ZNF718: variants seen among roughly 807,000 people sequenced by gnomAD.
ZNF718 encodes zinc finger protein 718.
A neutral mutation model predicts 2.6 loss-of-function variants in ZNF718; 3 were observed. The observed-to-expected ratio is 1.16, with a 90% CI of 0.53 to 3.01. The LOEUF (loss-of-function observed/expected upper bound fraction) is 3.01, where lower values mean the gene tolerates loss of function less well. Ranked by LOEUF, ZNF718 falls within the 30% of genes most tolerant of loss-of-function variation. ZNF718 has a pLI of 0.03. For missense variants in ZNF718, 468 were observed against 230.0 expected, an observed-to-expected ratio of 2.03 and a Z score of -6.69; for synonymous variants, 135 against 77.9, an observed-to-expected ratio of 1.73 and a Z score of -3.86.
chr4:125,785 T>TC (rs1379411249), intron 1 of ZNF718, among the ~76,000 whole-genome samples: 1 of 152,198 alleles, frequency 6.6e-6, no homozygotes, highest in African/African-American at 2.4e-5. Flanking sequence ...CACTGGGCAT[T>TC]CGCACGGCCA....
chr4:154,159 G>T (rs530628769), intron 3 of ZNF718, among the ~76,000 whole-genome samples: 1 of 152,198 alleles, frequency 6.6e-6, no homozygotes, highest in Admixed American at 6.5e-5. Flanking sequence ...ATGACTTTTG[G>T]CTTCTGCCAT....
downstream of ZNF718, among the ~76,000 whole-genome samples, chr4:165,229 C>T (rs56076821): frequency 0.013 from 1,993 of 152,150 alleles, 49 homozygotes; most frequent in African/African-American, 0.045. Context: ...TGGTAAATTA[C>T]TGTTTTTAAG....
intron 3 of ZNF718, among the ~76,000 whole-genome samples, chr4:146,437 TC>T (rs1319245752): frequency 1.3e-5 from 2 of 152,120 alleles, no homozygotes; most frequent in Non-Finnish European, 2.9e-5. Flanking sequence ...GAGAAGAATC[TC>T]TTTTTCTTGC....
intron 3 of ZNF718, among the ~76,000 whole-genome samples, chr4:135,466 A>G (rs995351288): frequency 1.3e-5 from 2 of 151,864 alleles, no homozygotes; most frequent in Non-Finnish European, 2.9e-5. Flanking sequence ...TCACAGGTAC[A>G]TGAGAGACAA....
Position 162,097 on chromosome 4 carries a change from G to A in ZNF718, c.1412G>A (p.Arg471Lys), listed in dbSNP as rs782147773. 2 of 752,522 alleles carry A rather than the reference G, an allele frequency of 2.7e-6. No individual in the cohort carries two copies. The highest frequency in any genetic ancestry group is 4.9e-6 in the Non-Finnish European group (2 of 406,546). 46.6% of individuals were successfully genotyped at this position (752,522 alleles called of 1,614,324 possible). ...TACTCCAACCTTCCTCAACATAAGA[G>A]AACTCATACTGGAGGAAAATTTTAG... is the stretch of plus-strand genomic sequence containing the variant. ...KQYSNLPQHK[R>K]THTGGKF Residue 471 changes from arginine to lysine, a missense_variant, in exon 4 of 4, where the codon AGA becomes AAA. By Grantham distance (26) the Arg-to-Lys change is conservative. Transcript: ENST00000510175.
At chr4:136,174 C>A (rs1314721749) in intron 3 of ZNF718, among the ~76,000 whole-genome samples, 3 of 152,076 alleles carry the variant, frequency 2.0e-5, no homozygotes, top group African/African-American at 7.2e-5. Context: ...TGAAGTTTGT[C>A]TGCGTATGAT....
At chr4:139,256 G>A (rs1715706895) in intron 3 of ZNF718, among the ~76,000 whole-genome samples, 1 of 152,144 alleles carries the variant, frequency 6.6e-6, no homozygotes, top group Admixed American at 6.5e-5. Context: ...ATAGTTTGAT[G>A]TCTTAGATTT....
chr4:126,717 TTAG>T (rs1451625432), intron 1 of ZNF718, among the ~76,000 whole-genome samples: 1 of 152,244 alleles, frequency 6.6e-6, no homozygotes, highest in Non-Finnish European at 1.5e-5. Flanking sequence ...TTGCAGTCTC[TTAG>T]TAGATTGCCT....
chr4:136,197 A>AT (rs1715564669), intron 3 of ZNF718, among the ~76,000 whole-genome samples: 2 of 152,150 alleles, frequency 1.3e-5, no homozygotes, highest in Non-Finnish European at 2.9e-5. Context: ...GCCAAGTACC[A>AT]GGTGTATGAA....
At chr4:196,626 G>C (rs1299611195) in intron 3 of ZNF718, among the ~76,000 whole-genome samples, 1 of 151,834 alleles carries the variant, frequency 6.6e-6, no homozygotes, top group Non-Finnish European at 1.5e-5. Context: ...ACTTCTGGCT[G>C]CACCGTGATC....
intron 3 of ZNF718, among the ~76,000 whole-genome samples, chr4:151,502 C>CA (rs1716321561): frequency 6.7e-6 from 1 of 150,216 alleles, no homozygotes; most frequent in African/African-American, 2.5e-5. Context: ...TTTTTTGAGA[C>CA]AGAGTTTTGC....
chr4:166,009 C>T (rs1411466177), downstream of ZNF718, among the ~76,000 whole-genome samples: 5 of 152,138 alleles, frequency 3.3e-5, no homozygotes, highest in Non-Finnish European at 7.4e-5. Flanking sequence ...CCTCCCCCAA[C>T]CCCACAGCAG....
downstream of ZNF718, among the ~76,000 whole-genome samples, chr4:168,478 T>C (rs182708744): frequency 8.5e-3 from 1,297 of 152,294 alleles, 18 homozygotes; most frequent in Middle Eastern, 0.061. Flanking sequence ...ATCCATCTGG[T>C]GCTGGACTTT....
intron 3 of ZNF718, among the ~76,000 whole-genome samples, chr4:196,761 G>A (rs1036003584): frequency 6.6e-6 from 1 of 151,988 alleles, no homozygotes; most frequent in African/African-American, 2.4e-5. Flanking sequence ...AACCCAGAAG[G>A]GTTGGGGGTT....
Position 129,332 on chromosome 4 carries a change from ATACT to A in ZNF718, c.4-1452_4-1449del, listed in dbSNP as rs1289647510. On this transcript the variant is annotated intron_variant, in intron 1 of 3. Coordinates refer to ENST00000510175, the MANE Select transcript of ZNF718 (RefSeq NM_001039127.6). ...AGGCTTAGAAAAGACAAAACTGAAA[ATACT>A]TACGGGCATAGAGAGCAGATGCCTA... 2.9e-5 allele frequency among the ~76,000 whole-genome samples: 3 copies of A among 104,074 alleles called. 1 individual carries two copies. The highest frequency in any genetic ancestry group is 6.4e-5 in the Non-Finnish European group (3 of 46,722). The allele number at this position is 104,074 out of a possible 152,430, so 68.3% of individuals were successfully genotyped here. A position where few individuals can be genotyped will look rare whatever the true frequency, so the allele number is the denominator to read the frequency against.
At chr4:194,527 ACTGAGATAT>A (rs1422348088) in intron 3 of ZNF718, among the ~76,000 whole-genome samples, 1 of 152,116 alleles carries the variant, frequency 6.6e-6, no homozygotes, top group Non-Finnish European at 1.5e-5. Flanking sequence ...CTTTGACCTG[ACTGAGATAT>A]CAGAGATCGC....
intron 3 of ZNF718, among the ~76,000 whole-genome samples, chr4:141,134 A>G (rs1054572164): frequency 2.0e-4 from 31 of 152,114 alleles, no homozygotes; most frequent in African/African-American, 6.8e-4. Context: ...TCTATTTAAC[A>G]TGTAATTCTG....
At chr4:141,044 C>G (rs1715788538) in intron 3 of ZNF718, among the ~76,000 whole-genome samples, 1 of 152,172 alleles carries the variant, frequency 6.6e-6, no homozygotes, top group African/African-American at 2.4e-5. Flanking sequence ...TATCCGAAGT[C>G]TCTTCTAAAG....
At chr4:146,805 A>C (rs1560115078) in intron 3 of ZNF718, among the ~76,000 whole-genome samples, 1 of 151,544 alleles carries the variant, frequency 6.6e-6, no homozygotes, top group Non-Finnish European at 1.5e-5. Context: ...TCTCCTGTTA[A>C]AGCTTTCTCT....
Sources: allele counts gnomAD v4.1 joint callset (sites outside exome capture counted in the v4.1 genomes callset), GRCh38; gene constraint gnomAD v4.1.1; transcripts MANE v1.5; gene names NCBI Gene and HGNC (gene_info 2026-07-23, HGNC 2026-07-21).